RIC1: variants seen among roughly 807,000 people sequenced by gnomAD.
RIC1 encodes RIC1 partner of RAB6A GEF complex, also known as guanine nucleotide exchange factor subunit RIC1.
In RIC1, 88 loss-of-function variants were observed where a neutral mutation model predicts 169.0. The observed-to-expected ratio is 0.52, with a 90% CI of 0.44 to 0.62. RIC1 has a LOEUF of 0.62. Among genes scored for constraint, RIC1 ranks in the 20% least tolerant of loss-of-function variants. The pLI is 0.00. For synonymous variants in RIC1, 790 were observed against 601.5 expected, an observed-to-expected ratio of 1.31 and a Z score of -4.59; for missense variants, 1,877 against 1,725.5, an observed-to-expected ratio of 1.09 and a Z score of -1.56.
intron 1 of RIC1, among the ~76,000 whole-genome samples, chr9:5,654,972 G>T (rs1317855506): frequency 6.6e-6 from 1 of 152,138 alleles, no homozygotes; most frequent in South Asian, 2.1e-4. Flanking sequence ...ATTCTAGGAG[G>T]ATTTTTGGGT....
chr9:5,632,453 C>G (rs1322130938), intron 1 of RIC1, among the ~76,000 whole-genome samples: 2 of 152,138 alleles, frequency 1.3e-5, no homozygotes, highest in African/African-American at 4.8e-5. Flanking sequence ...AGACTCATAT[C>G]TCTTCAGAAT....
At chr9:5,667,108 T>C (rs1162104777) in intron 2 of RIC1, among the ~76,000 whole-genome samples, 5 of 152,136 alleles carry the variant, frequency 3.3e-5, no homozygotes, top group Non-Finnish European at 7.4e-5. Context: ...GAGGATTGCT[T>C]GAGGCAGGGA....
At chr9:5,752,632 C>T (rs1017935771) in intron 12 of RIC1, among the ~76,000 whole-genome samples, 4 of 151,962 alleles carry the variant, frequency 2.6e-5, no homozygotes, top group African/African-American at 7.3e-5. Context: ...GACGAGATTT[C>T]GCCATGTTGG....
intron 2 of RIC1, among the ~76,000 whole-genome samples, chr9:5,674,872 T>C (rs1019700023): frequency 6.6e-6 from 1 of 152,236 alleles, no homozygotes; most frequent in Non-Finnish European, 1.5e-5. Context: ...GGGCATATGC[T>C]TAACCTTGGC....
intron 2 of RIC1, among the ~76,000 whole-genome samples, chr9:5,687,271 A>T (rs10975241): frequency 0.3 from 45,093 of 151,986 alleles, 7,771 homozygotes; most frequent in East Asian, 0.61. Flanking sequence ...TAAAACAATA[A>T]CAAAAGAACC....
intron 2 of RIC1, among the ~76,000 whole-genome samples, chr9:5,660,563 T>C (rs1381107179): frequency 2.6e-5 from 4 of 152,224 alleles, no homozygotes; most frequent in Admixed American, 2.0e-4. Context: ...TGTGAGACGG[T>C]ATCTCATTGT....
intron 17 of RIC1, 55 bp from the exon 18 acceptor site, chr9:5,762,486 C>T (rs906646575): frequency 6.9e-6 from 11 of 1,598,080 alleles, no homozygotes; most frequent in East Asian, 4.5e-5. Context: ...GGGGGAGATG[C>T]GGAAAGCATA....
At chr9:5,762,731 A>G (rs2131094354) in intron 18 of RIC1, 71 bp downstream of exon 18, 1 of 1,512,142 alleles carries the variant, frequency 6.6e-7, no homozygotes, top group Non-Finnish European at 9.0e-7. Context: ...GAATGAAACA[A>G]TTTAAGAGAA....
chr9:5,714,072 C>A, intron 4 of RIC1, 69 bp downstream of exon 4: 3 of 945,802 alleles, frequency 3.2e-6, no homozygotes, highest in Non-Finnish European at 4.8e-6. Flanking sequence ...AATCCCATGA[C>A]CAACAGGAAA....
chr9:5,635,502 G>A (rs747028519), intron 1 of RIC1, among the ~76,000 whole-genome samples: 11 of 152,200 alleles, frequency 7.2e-5, no homozygotes, highest in Admixed American at 2.0e-4. Context: ...TGCATGCGTG[G>A]TTTTATTTCT....
At chr9:5,688,928 A>T (rs970362050) in intron 2 of RIC1, among the ~76,000 whole-genome samples, 1 of 152,156 alleles carries the variant, frequency 6.6e-6, no homozygotes, top group Non-Finnish European at 1.5e-5. Flanking sequence ...ACAGCTAAAT[A>T]TAATATTTTG....
At chr9:5,635,845 C>T (rs1817947693) in intron 1 of RIC1, among the ~76,000 whole-genome samples, 1 of 152,188 alleles carries the variant, frequency 6.6e-6, no homozygotes, top group Non-Finnish European at 1.5e-5. Context: ...CAAGTGCCTG[C>T]TTCCCCTTCT....
chr9:5,770,823 C>CA (rs1326504909), intron 23 of RIC1, among the ~76,000 whole-genome samples: 2 of 151,996 alleles, frequency 1.3e-5, no homozygotes, highest in African/African-American at 4.8e-5. Flanking sequence ...GGTGCTTTTA[C>CA]AAAAAAATGT....
chr9:5,702,333 AT>A (rs1822270427), intron 3 of RIC1, among the ~76,000 whole-genome samples: 1 of 152,142 alleles, frequency 6.6e-6, no homozygotes, highest in African/African-American at 2.4e-5. Flanking sequence ...TGGGTAATTT[AT>A]AAAGAAAAGA....
chr9:5,728,597 A>G (rs1824155596), intron 6 of RIC1, among the ~76,000 whole-genome samples: 1 of 152,204 alleles, frequency 6.6e-6, no homozygotes, highest in Non-Finnish European at 1.5e-5. Flanking sequence ...GGAAATGCAG[A>G]AATCACCCAT....
At chr9:5,735,270 G>A (rs898692507) in intron 7 of RIC1, among the ~76,000 whole-genome samples, 1 of 151,878 alleles carries the variant, frequency 6.6e-6, no homozygotes, top group Non-Finnish European at 1.5e-5. Flanking sequence ...AGTTCTTGTT[G>A]AGCAATACAG....
rs530859382 is a variant in RIC1 at position 5,691,943 on chromosome 9, A to G, written c.332+1905A>G. ...TTGAGACCCACTTTTTGTGTTCCAG[A>G]AAAGTTTTAAGAAACAGTTTCTTTC... is the stretch of plus-strand genomic sequence containing the variant. On this transcript the variant is annotated intron_variant, in intron 3 of 25. Transcript: ENST00000414202. 9.8e-4 allele frequency among the ~76,000 whole-genome samples: 149 copies of G among 152,200 alleles called. 1 individual carries two copies. The highest frequency in any genetic ancestry group is 1.8e-3 in the Non-Finnish European group (124 of 67,904).
intron 3 of RIC1, among the ~76,000 whole-genome samples, chr9:5,704,052 TTATTA>T (rs1368147624): frequency 6.6e-6 from 1 of 151,976 alleles, no homozygotes; most frequent in Non-Finnish European, 1.5e-5. Context: ...GTTTTTTTTT[TTATTA>T]TATTAGGGTC....
intron 2 of RIC1, among the ~76,000 whole-genome samples, chr9:5,656,964 G>C (rs1586891578): frequency 6.6e-6 from 1 of 151,840 alleles, no homozygotes; most frequent in East Asian, 1.9e-4. Context: ...TTTTGCCCTT[G>C]AAGTCTAACT....
Sources: gnomAD v4.1 joint callset for allele counts (sites outside exome capture counted in the v4.1 genomes callset) on GRCh38, gnomAD v4.1.1 for gene constraint, MANE v1.5 for transcripts, NCBI Gene and HGNC (gene_info 2026-07-23, HGNC 2026-07-21) for gene names.